Variants in TRIM24 observed in about 807,000 individuals in gnomAD.
TRIM24 encodes the protein transcription intermediary factor 1-alpha.
In TRIM24, 29 loss-of-function variants were observed where a neutral mutation model predicts 123.9. That is an observed-to-expected ratio of 0.23 (90% CI 0.17 to 0.32). The LOEUF (loss-of-function observed/expected upper bound fraction) is 0.32. TRIM24 is among the 10% of genes least tolerant of loss of function. The pLI, the probability that TRIM24 is intolerant of heterozygous loss-of-function variation, is 1.00. For synonymous variants in TRIM24, 456 were observed against 461.1 expected, an observed-to-expected ratio of 0.99 and a Z score of 0.14; for missense variants, 932 against 1,295.3, an observed-to-expected ratio of 0.72 and a Z score of 4.31.
rs190113058 is a variant in TRIM24 at position 138,584,706 on chromosome 7, G to T, written c.2944-36G>T. The T allele has an allele frequency of 1.4e-3, 2,134 of 1,509,962 alleles. 28 individuals carry two copies. In the African/African-American group the frequency reaches 0.028, roughly 20 times the overall value. The allele number at this position is 1,509,962 out of a possible 1,614,324, so 93.5% of individuals were successfully genotyped here. A position where few individuals can be genotyped will look rare whatever the true frequency, so the allele number is the denominator to read the frequency against. On this transcript the variant is annotated intron_variant, in intron 18 of 18. Transcript: ENST00000343526. ...ATATAATCTCAGAAGTCAAAAGTGT[G>T]TCCTTTTTTTACTCATTTTTATTTT...
At chr7:138,501,461 C>T (rs1796037810) in intron 1 of TRIM24, among the ~76,000 whole-genome samples, 1 of 151,962 alleles carries the variant, frequency 6.6e-6, no homozygotes, top group South Asian at 2.1e-4. Flanking sequence ...GAACTCCTGA[C>T]CTCAAGTGAT....
At chr7:138,496,419 T>G (rs1027732749) in intron 1 of TRIM24, among the ~76,000 whole-genome samples, 1 of 152,212 alleles carries the variant, frequency 6.6e-6, no homozygotes, top group African/African-American at 2.4e-5. Flanking sequence ...AATCTGGATT[T>G]ATTTATTTTT....
chr7:138,566,868 C>T (rs79345887), intron 9 of TRIM24, among the ~76,000 whole-genome samples: 2,773 of 152,264 alleles, frequency 0.018, 70 homozygotes, highest in African/African-American at 0.061. Flanking sequence ...AGTACACCCA[C>T]TGAGCCAGAT....
At chr7:138,481,419 C>T (rs531166623) in intron 1 of TRIM24, among the ~76,000 whole-genome samples, 2 of 152,074 alleles carry the variant, frequency 1.3e-5, no homozygotes, top group East Asian at 1.9e-4. Flanking sequence ...TTTATATTCT[C>T]GCTATCTTCT....
chr7:138,541,986 T>C (rs950772602), intron 7 of TRIM24, among the ~76,000 whole-genome samples: 15 of 152,220 alleles, frequency 9.9e-5, no homozygotes, highest in Non-Finnish European at 1.3e-4. Context: ...ACAGCCTTCA[T>C]TGAATTAAAA....
intron 1 of TRIM24, among the ~76,000 whole-genome samples, chr7:138,464,598 A>T (rs899568711): frequency 6.6e-6 from 1 of 151,902 alleles, no homozygotes; most frequent in Non-Finnish European, 1.5e-5. Flanking sequence ...TTTGAACAAA[A>T]TTTTTCTAGT....
intron 15 of TRIM24, 63 bp downstream of exon 15, chr7:138,579,595 A>G (rs111433097): frequency 0.045 from 63,542 of 1,396,992 alleles, 1,672 homozygotes; most frequent in Middle Eastern, 0.075. Flanking sequence ...ATTTTAACAG[A>G]AAGCCTTTGA....
rs1306657885 is a variant in TRIM24, at chr7:138,460,402, G to T, written c.-147G>T. 2 of 874,400 alleles carry T rather than the reference G, an allele frequency of 2.3e-6. No individual in the cohort carries two copies. The highest frequency in any genetic ancestry group is 3.4e-5 in the East Asian group (1 of 29,758). The allele number at this position is 874,400 out of a possible 1,614,324, so 54.2% of individuals were successfully genotyped here. On this transcript the variant is annotated 5_prime_UTR_variant, in exon 1 of 19. Coordinates refer to ENST00000343526, the MANE Select transcript of TRIM24 (RefSeq NM_015905.3). ...CCGTGGGCCTGAGGAGGCTTCCCCC[G>T]CCCGGTTTGCTTTCCCTCCCTCGCT...
At chr7:138,503,078 A>G (rs1246732094) in intron 1 of TRIM24, among the ~76,000 whole-genome samples, 2 of 152,196 alleles carry the variant, frequency 1.3e-5, no homozygotes, top group South Asian at 2.1e-4. Flanking sequence ...TTGCAGCAAC[A>G]TGAAAAGTTC....
chr7:138,486,533 C>A, intron 1 of TRIM24, among the ~76,000 whole-genome samples: 1 of 152,158 alleles, frequency 6.6e-6, no homozygotes, highest in Non-Finnish European at 1.5e-5. Context: ...AGGAAGGGAT[C>A]CGGTTTCAGC....
chr7:138,550,198 C>A (rs1354490788), intron 7 of TRIM24, among the ~76,000 whole-genome samples: 1 of 152,020 alleles, frequency 6.6e-6, no homozygotes, highest in Non-Finnish European at 1.5e-5. Flanking sequence ...GAAGTGAGAT[C>A]AGTTCAATTA....
chr7:138,483,110 G>T (rs1460891626), intron 1 of TRIM24, among the ~76,000 whole-genome samples: 5 of 151,704 alleles, frequency 3.3e-5, no homozygotes, highest in Admixed American at 2.6e-4. Context: ...GTAGCGGGGG[G>T]GGTCTCACTT....
chr7:138,576,467 T>C, intron 13 of TRIM24, 22 bp downstream of exon 13: 7 of 1,604,280 alleles, frequency 4.4e-6, no homozygotes, highest in Non-Finnish European at 6.0e-6. Context: ...AAACCATATT[T>C]TCTAGTATAT....
chr7:138,525,301 C>T lies in TRIM24; in HGVS notation c.825C>T (p.Thr275=), dbSNP rs755772269. ...NQKVIIDTLI[T]KLMEKTKYIK... Reference sequence around the variant, plus strand: ...AAGTGATCATAGATACACTAATCACCAAACTGATGGAAAAAACAAAATACA... The same window carrying T: ...AAGTGATCATAGATACACTAATCACTAAACTGATGGAAAAAACAAAATACA... Residue 275 remains threonine (T), a synonymous_variant, in exon 5 of 19, where the codon ACC becomes ACT. Transcript: ENST00000343526. 2.6e-6 allele frequency: 4 copies of T among 1,518,362 alleles called. No homozygotes were observed. Among genetic ancestry groups the T allele is most frequent in the Non-Finnish European group, 2.6e-6 (3 of 1,137,434 alleles). The allele number at this position is 1,518,362 out of a possible 1,614,324, so 94.1% of individuals were successfully genotyped here. A position where few individuals can be genotyped will look rare whatever the true frequency, so the allele number is the denominator to read the frequency against.
intron 7 of TRIM24, 59 bp downstream of exon 7, chr7:138,538,862 A>G (rs949164026): frequency 4.2e-6 from 6 of 1,429,950 alleles, no homozygotes; most frequent in Admixed American, 1.9e-5. Flanking sequence ...CAATGGAGCC[A>G]TTGTAATGCT....
At chr7:138,515,661 A>G (rs1019287707) in intron 3 of TRIM24, among the ~76,000 whole-genome samples, 8 of 152,328 alleles carry the variant, frequency 5.3e-5, no homozygotes, top group Admixed American at 3.3e-4. Flanking sequence ...TATCTCTAAG[A>G]TAACAACAAA....
At chr7:138,516,813 G>GTTTTTTTT (rs77546595) in intron 3 of TRIM24, among the ~76,000 whole-genome samples, 1 of 132,450 alleles carries the variant, frequency 7.6e-6, no homozygotes, top group Admixed American at 7.5e-5. Context: ...AAACCGTTTT[G>GTTTTTTTT]TTTTTTTTTT....
intron 1 of TRIM24, chr7:138,491,368 C>T: frequency 6.0e-6 from 1 of 165,700 alleles, no homozygotes; most frequent in Non-Finnish European, 1.3e-5. Flanking sequence ...TGCTATCGTG[C>T]TGCTCCTCTT....
intron 1 of TRIM24, among the ~76,000 whole-genome samples, chr7:138,461,970 C>T (rs1171998160): frequency 6.6e-6 from 1 of 152,134 alleles, no homozygotes; most frequent in African/African-American, 2.4e-5. Flanking sequence ...GGAGCAGTAT[C>T]CACTTGTAGG....
Sources: allele counts gnomAD v4.1 joint callset (sites outside exome capture counted in the v4.1 genomes callset), GRCh38; gene constraint gnomAD v4.1.1; transcripts MANE v1.5; gene names NCBI Gene and HGNC (gene_info 2026-07-23, HGNC 2026-07-21).